The following SNTG1 variants were observed in gnomAD, a reference collection of about 807,000 sequenced individuals.
SNTG1 encodes the protein syntrophin gamma 1.
A neutral mutation model predicts 74.7 loss-of-function variants in SNTG1; 39 were observed. The ratio of observed to expected loss-of-function variants is 0.52; its 90% CI spans 0.40 to 0.68. The LOEUF is 0.68. Ranked by LOEUF, SNTG1 falls within the 30% of genes least tolerant of loss-of-function variation. The pLI, the probability that SNTG1 is intolerant of heterozygous loss-of-function variation, is 0.00. For synonymous variants in SNTG1, 254 were observed against 217.1 expected (o/e 1.17, Z -1.49); for missense variants, 685 against 609.5 (o/e 1.12, Z -1.30).
intron 13 of SNTG1, among the ~76,000 whole-genome samples, chr8:50,603,698 C>G (rs2094791937): frequency 6.6e-6 from 1 of 152,146 alleles, no homozygotes; most frequent in South Asian, 2.1e-4. Flanking sequence ...GACCCCAAGA[C>G]CAATAACAGT....
At chr8:49,945,248 C>T (rs566524021) in intron 1 of SNTG1, among the ~76,000 whole-genome samples, 1 of 152,244 alleles carries the variant, frequency 6.6e-6, no homozygotes, top group East Asian at 1.9e-4. Context: ...AACTTCAATA[C>T]TTGAATACAC....
intron 16 of SNTG1, among the ~76,000 whole-genome samples, chr8:50,706,683 G>A (rs1284492254): frequency 6.6e-6 from 1 of 151,998 alleles, no homozygotes; most frequent in Non-Finnish European, 1.5e-5. Context: ...GCTTTTAGTT[G>A]TTCTACAGAT....
chr8:50,702,757 A>G (rs955661330), intron 15 of SNTG1, among the ~76,000 whole-genome samples: 8 of 152,218 alleles, frequency 5.3e-5, no homozygotes, highest in African/African-American at 1.9e-4. Flanking sequence ...ACAACCTGAG[A>G]CAGCATAACG....
intron 11 of SNTG1, among the ~76,000 whole-genome samples, chr8:50,548,638 A>G (rs865839643): frequency 1.3e-5 from 2 of 152,164 alleles, no homozygotes; most frequent in South Asian, 4.1e-4. Flanking sequence ...GTAAGATCGA[A>G]CAGTATTTAG....
intron 2 of SNTG1, among the ~76,000 whole-genome samples, chr8:50,315,271 C>T (rs917731438): frequency 5.4e-5 from 8 of 149,330 alleles, no homozygotes; most frequent in Non-Finnish European, 1.0e-4. Flanking sequence ...ATGTTGGCTA[C>T]GGAAAAGGAA....
rs565413482 is a variant in SNTG1 at position 50,449,392 on chromosome 8, A to C, written c.220-276A>C. ...AATTTCTATTGGATAGCATTGCTAC[A>C]CATTGAGGAGAATGCCTATCTAAAT... On this transcript the variant is annotated intron_variant, in intron 5 of 18. Coordinates refer to ENST00000642720, the MANE Select transcript of SNTG1 (RefSeq NM_018967.5). Among the ~76,000 whole-genome samples the C allele has an allele frequency of 4.6e-5, 7 of 152,366 alleles. No homozygotes were observed. The South Asian group carries it at 1.4e-3, about 32-fold the overall frequency.
intron 18 of SNTG1, among the ~76,000 whole-genome samples, chr8:50,771,163 A>G (rs949962667): frequency 6.6e-6 from 1 of 152,104 alleles, no homozygotes; most frequent in Non-Finnish European, 1.5e-5. Flanking sequence ...GACTAGAAAA[A>G]GCCTGTATTG....
intron 9 of SNTG1, among the ~76,000 whole-genome samples, chr8:50,507,202 CTT>C (rs2094014307): frequency 6.6e-6 from 1 of 151,664 alleles, no homozygotes; most frequent in Admixed American, 6.6e-5. Flanking sequence ...GGTGTATAAT[CTT>C]TTAAATTTGT....
chr8:50,758,548 C>T (rs181009925), intron 18 of SNTG1, among the ~76,000 whole-genome samples: 3 of 152,150 alleles, frequency 2.0e-5, no homozygotes, highest in Non-Finnish European at 4.4e-5. Flanking sequence ...GTTCAGCTCC[C>T]ACTTACGAGT....
chr8:50,363,417 T>G (rs1366427459), intron 2 of SNTG1, among the ~76,000 whole-genome samples: 2 of 152,184 alleles, frequency 1.3e-5, no homozygotes, highest in African/African-American at 4.8e-5. Context: ...GCCTGCAAGC[T>G]GATCTAGGGA....
chr8:50,678,464 G>T (rs1460689967), intron 15 of SNTG1, among the ~76,000 whole-genome samples: 1 of 152,026 alleles, frequency 6.6e-6, no homozygotes, highest in Non-Finnish European at 1.5e-5. Context: ...GGTTGGACAG[G>T]GCTGTAATGT....
chr8:50,782,988 G>A (rs965610846), intron 18 of SNTG1, among the ~76,000 whole-genome samples: 2 of 152,092 alleles, frequency 1.3e-5, no homozygotes, highest in Admixed American at 6.6e-5. Flanking sequence ...TGTTTGCCTG[G>A]GTACCAGCAG....
At chr8:50,569,939 C>G (rs2094537476) in intron 12 of SNTG1, among the ~76,000 whole-genome samples, 1 of 152,074 alleles carries the variant, frequency 6.6e-6, no homozygotes, top group Admixed American at 6.6e-5. Context: ...AAAGCAAGGG[C>G]AAGTTTGGGC....
chr8:50,097,131 G>A (rs1225140528), intron 1 of SNTG1, among the ~76,000 whole-genome samples: 7 of 151,814 alleles, frequency 4.6e-5, no homozygotes, highest in Non-Finnish European at 8.8e-5. Flanking sequence ...CACCACACCC[G>A]GCTAATTTTT....
intron 1 of SNTG1, among the ~76,000 whole-genome samples, chr8:49,954,580 C>G (rs546352346): frequency 1.3e-4 from 20 of 152,178 alleles, no homozygotes; most frequent in African/African-American, 4.8e-4. Context: ...ATTTTTTATT[C>G]TAATACAATT....
At chr8:50,327,524 C>T (rs2090796910) in intron 2 of SNTG1, among the ~76,000 whole-genome samples, 1 of 152,054 alleles carries the variant, frequency 6.6e-6, no homozygotes, top group African/African-American at 2.4e-5. Context: ...TTTCTGTATC[C>T]TCTTACTTTG....
chr8:50,716,974 G>C (rs1438073162), intron 17 of SNTG1, among the ~76,000 whole-genome samples: 2 of 151,936 alleles, frequency 1.3e-5, no homozygotes, highest in African/African-American at 4.8e-5. Context: ...CTGACCTCGT[G>C]ATCCGCCTGC....
At chr8:50,465,308 C>T (rs1398407357) in intron 8 of SNTG1, among the ~76,000 whole-genome samples, 1 of 152,144 alleles carries the variant, frequency 6.6e-6, no homozygotes, top group Non-Finnish European at 1.5e-5. Flanking sequence ...ACAATTTTAT[C>T]AGGTAGAGTA....
Position 50,793,028 on chromosome 8 carries a change from C to A in SNTG1, c.*199C>A. 1 of 443,488 alleles carries A rather than the reference C, an allele frequency of 2.3e-6. No homozygotes were observed. The highest frequency in any genetic ancestry group is 4.2e-5 in the Admixed American group (1 of 23,742). The allele number at this position is 443,488 out of a possible 1,614,324, so 27.5% of individuals were successfully genotyped here. On this transcript the variant is annotated 3_prime_UTR_variant, in exon 19 of 19. Transcript: ENST00000642720. ...ACATCTGTGAAATATACTACATGAA[C>A]AGAACAGCTTGTTCTCACTCAGTTG...
Sources: gnomAD v4.1 joint callset for allele counts (sites outside exome capture counted in the v4.1 genomes callset) on GRCh38, gnomAD v4.1.1 for gene constraint, MANE v1.5 for transcripts, NCBI Gene and HGNC (gene_info 2026-07-23, HGNC 2026-07-21) for gene names.